NKAIN2: variants seen among roughly 807,000 people sequenced by gnomAD.
The protein encoded by NKAIN2 is sodium/potassium-transporting ATPase subunit beta-1-interacting protein 2.
NKAIN2 carries 14 observed loss-of-function variants against 32.6 expected under a neutral mutation model. The observed-to-expected ratio is 0.43, with a 90% CI of 0.28 to 0.67. NKAIN2 has a LOEUF of 0.67. Among genes scored for constraint, NKAIN2 ranks in the 30% least tolerant of loss-of-function variants. The pLI, the probability that NKAIN2 is intolerant of heterozygous loss-of-function variation, is 0.17. For missense variants in NKAIN2, 198 were observed against 258.3 expected (o/e 0.77, Z 1.60); for synonymous variants, 80 against 87.2 (o/e 0.92, Z 0.46).
chr6:124,764,063 C>A (rs1431547955), intron 4 of NKAIN2, among the ~76,000 whole-genome samples: 1 of 152,156 alleles, frequency 6.6e-6, no homozygotes, highest in Non-Finnish European at 1.5e-5. Flanking sequence ...CAACTATAGT[C>A]TTTGGCTCTT....
chr6:124,046,452 GATAA>G (rs1415575076), intron 1 of NKAIN2, among the ~76,000 whole-genome samples: 1 of 151,874 alleles, frequency 6.6e-6, no homozygotes, highest in Non-Finnish European at 1.5e-5. Flanking sequence ...AACATTCACC[GATAA>G]ATAAACTTAT....
At chr6:124,618,296 G>A (rs1417366801) in intron 3 of NKAIN2, among the ~76,000 whole-genome samples, 1 of 152,052 alleles carries the variant, frequency 6.6e-6, no homozygotes, top group African/African-American at 2.4e-5. Flanking sequence ...TGGCCAAAAG[G>A]GTGAAACCCC....
intron 3 of NKAIN2, among the ~76,000 whole-genome samples, chr6:124,357,394 T>C (rs1799036114): frequency 6.6e-6 from 1 of 152,066 alleles, no homozygotes; most frequent in African/African-American, 2.4e-5. Context: ...CTTCAGGTAA[T>C]ACAGTGCCAG....
chr6:123,933,851 G>A (rs546957299), intron 1 of NKAIN2, among the ~76,000 whole-genome samples: 1 of 152,238 alleles, frequency 6.6e-6, no homozygotes, highest in East Asian at 1.9e-4. Flanking sequence ...GGGTCATTTT[G>A]TACTCTACAT....
chr6:124,318,162 C>T (rs1797038356), intron 2 of NKAIN2, among the ~76,000 whole-genome samples: 2 of 151,922 alleles, frequency 1.3e-5, no homozygotes, highest in South Asian at 4.1e-4. Flanking sequence ...TAAATGTGAG[C>T]AATACTTTAC....
intron 1 of NKAIN2, among the ~76,000 whole-genome samples, chr6:123,881,192 T>C (rs1360705313): frequency 6.6e-6 from 1 of 152,118 alleles, no homozygotes; most frequent in Non-Finnish European, 1.5e-5. Flanking sequence ...CAGCTATTTT[T>C]TGTACTTTTA....
intron 3 of NKAIN2, among the ~76,000 whole-genome samples, chr6:124,623,969 C>G (rs939494322): frequency 6.6e-6 from 1 of 152,126 alleles, no homozygotes; most frequent in East Asian, 1.9e-4. Context: ...TTTTACAAAT[C>G]TCTGTGTCTA....
intron 1 of NKAIN2, among the ~76,000 whole-genome samples, chr6:123,972,905 G>A (rs563632078): frequency 1.7e-4 from 26 of 152,190 alleles, no homozygotes; most frequent in African/African-American, 5.8e-4. Flanking sequence ...TTAGAAAAGT[G>A]CCTGATACAT....
At chr6:124,162,348 G>T (rs1788324829) in intron 1 of NKAIN2, among the ~76,000 whole-genome samples, 2 of 152,056 alleles carry the variant, frequency 1.3e-5, no homozygotes, top group Non-Finnish European at 2.9e-5. Flanking sequence ...GTTTTCCCTA[G>T]ATCTTTCTAT....
At chr6:124,006,347 A>G (rs1427782100) in intron 1 of NKAIN2, among the ~76,000 whole-genome samples, 2 of 152,190 alleles carry the variant, frequency 1.3e-5, no homozygotes, top group Non-Finnish European at 2.9e-5. Flanking sequence ...GCTTCAATTT[A>G]TGTTTTACTG....
chr6:124,394,705 G>A (rs551993225), intron 3 of NKAIN2, among the ~76,000 whole-genome samples: 4 of 151,230 alleles, frequency 2.6e-5, no homozygotes, highest in African/African-American at 9.7e-5. Context: ...GAGGAATTCA[G>A]CCTTTTTGTT....
chr6:124,207,747 G>A (rs1227263249), intron 1 of NKAIN2, among the ~76,000 whole-genome samples: 1 of 151,796 alleles, frequency 6.6e-6, no homozygotes, highest in Non-Finnish European at 1.5e-5. Flanking sequence ...GTTTTGAACT[G>A]CATAAAATAA....
intron 1 of NKAIN2, among the ~76,000 whole-genome samples, chr6:123,986,215 G>A (rs559065651): frequency 6.6e-6 from 1 of 152,204 alleles, no homozygotes; most frequent in East Asian, 1.9e-4. Context: ...ATTATATATT[G>A]AGCCAAATTG....
intron 1 of NKAIN2, among the ~76,000 whole-genome samples, chr6:124,116,148 A>G (rs1182491475): frequency 2.0e-5 from 3 of 152,076 alleles, no homozygotes; most frequent in Non-Finnish European, 2.9e-5. Flanking sequence ...GTTATTCTTC[A>G]TTTGCTTCAC....
rs540631013 is a variant in NKAIN2 at position 124,683,623 on chromosome 6, T to C, written c.474+25237T>C. Among the ~76,000 whole-genome samples, 27 of 152,236 alleles carry C rather than the reference T, an allele frequency of 1.8e-4. 1 individual carries two copies. The South Asian group carries it at 5.6e-3, about 32-fold the overall frequency. On this transcript the variant is annotated intron_variant, in intron 4 of 6. Coordinates refer to ENST00000368417, the MANE Select transcript of NKAIN2 (RefSeq NM_001040214.3). ...TTTCATCAGCCTCCAGGGTGCGTGC[T>C]TGACCAGTGTGCGTGCTTGACTAGT...
At chr6:123,970,723 A>C (rs1252654967) in intron 1 of NKAIN2, among the ~76,000 whole-genome samples, 1 of 151,970 alleles carries the variant, frequency 6.6e-6, no homozygotes, top group Non-Finnish European at 1.5e-5. Context: ...TACTAAAAAA[A>C]TACAAAAAAT....
At chr6:124,527,167 C>T (rs1435625376) in intron 3 of NKAIN2, among the ~76,000 whole-genome samples, 1 of 152,110 alleles carries the variant, frequency 6.6e-6, no homozygotes, top group Non-Finnish European at 1.5e-5. Context: ...TACAAAATCA[C>T]TGGATGCATA....
intron 3 of NKAIN2, among the ~76,000 whole-genome samples, chr6:124,423,943 G>C (rs1774865750): frequency 6.6e-6 from 1 of 152,132 alleles, no homozygotes; most frequent in Non-Finnish European, 1.5e-5. Flanking sequence ...AGCACGAATA[G>C]ACTAAGGCAG....
chr6:123,986,946 G>A (rs532902663), intron 1 of NKAIN2, among the ~76,000 whole-genome samples: 2 of 152,246 alleles, frequency 1.3e-5, no homozygotes, highest in South Asian at 2.1e-4. Context: ...CTTGGTGTGG[G>A]TACACTTTAG....
Sources: allele counts gnomAD v4.1 joint callset (sites outside exome capture counted in the v4.1 genomes callset), GRCh38; gene constraint gnomAD v4.1.1; transcripts MANE v1.5; gene names NCBI Gene and HGNC (gene_info 2026-07-23, HGNC 2026-07-21).